The following TTF2 variants were observed in gnomAD, a reference collection of about 807,000 sequenced individuals.
TTF2 encodes the protein RNA polymerase II termination factor.
Under a neutral mutation model 142.4 loss-of-function variants are expected in TTF2, and 108 were observed. The ratio of observed to expected loss-of-function variants is 0.76; its 90% confidence interval spans 0.65 to 0.89. TTF2 has a LOEUF of 0.89. Ranked by LOEUF, TTF2 falls within the 40% of genes least tolerant of loss-of-function variation. TTF2 has a pLI of 0.00. For missense variants in TTF2, 1,327 were observed against 1,379.8 expected, an observed-to-expected ratio of 0.96 and a Z score of 0.61; for synonymous variants, 483 against 506.2, an observed-to-expected ratio of 0.95 and a Z score of 0.61.
chr1:117,092,610 CT>C lies in TTF2; in HGVS notation c.2806-120del. ...TTAATCAAGGTGTCTTGAGGAGTTA[CT>C]GATGACAAATTACAAGATATTTTGC... On this transcript the variant is annotated intron_variant, in intron 17 of 22. Coordinates refer to ENST00000369466, the MANE Select transcript of TTF2 (RefSeq NM_003594.4). The surrounding 1 kb of genome is among the most constrained non-coding windows in gnomAD (Gnocchi z 4.4). 1 of 1,119,546 alleles carries C rather than the reference CT, an allele frequency of 8.9e-7. No homozygotes were observed. Among genetic ancestry groups the C allele is most frequent in the Non-Finnish European group, 1.3e-6 (1 of 792,928 alleles). The allele number at this position is 1,119,546 out of a possible 1,614,324, so 69.4% of individuals were successfully genotyped here. A position where few individuals can be genotyped will look rare whatever the true frequency, so the allele number is the denominator to read the frequency against.
intron 3 of TTF2, among the ~76,000 whole-genome samples, chr1:117,072,190 G>C (rs1656631451): frequency 6.6e-6 from 1 of 152,038 alleles, no homozygotes; most frequent in Non-Finnish European, 1.5e-5. Flanking sequence ...TCTTGCACTG[G>C]GATGTTAAAT....
In TTF2 at chr1:117,090,055, G is replaced by A; in HGVS notation, c.2343G>A (p.Lys781=). The A allele has an allele frequency of 2.5e-6, 4 of 1,612,134 alleles. No individual in the cohort carries two copies. In the South Asian group the frequency reaches 3.3e-5, roughly 13 times the overall value. ...NNLLDMYSLL[K]FLRCSPFDEF... is the part of the protein sequence containing the mutation. ...GTGCCCTTCTTCCTCAACAAAAAAG[G>A]TTTCTCCGTTGCTCTCCATTTGATG... The change falls in exon 14 of 23, where the codon AAG becomes AAA. Residue 781 remains lysine, a splice_region_variant and synonymous_variant. Coordinates refer to ENST00000369466, the MANE Select transcript of TTF2 (RefSeq NM_003594.4). This position sits in a 1 kb window ranked among gnomAD's most constrained non-coding sequence, Gnocchi z 4.8.
chr1:117,107,378 T>A lies in TTF2; in HGVS notation c.*5854T>A, dbSNP rs1650023828. 6.6e-6 allele frequency: 1 copy of A among 152,236 alleles called. No individual in the cohort carries two copies. Among genetic ancestry groups the A allele is most frequent in the South Asian group, 2.1e-4 (1 of 4,832 alleles). The allele number at this position is 152,236 out of a possible 1,614,324, so 9.4% of individuals were successfully genotyped here. ...GTCTTCTGGAAATTTTTTATTGCAA[T>A]GTTACTTCATCTACATAAAGTTGTC... is the stretch of plus-strand genomic sequence containing the variant. On this transcript the variant is annotated 3_prime_UTR_variant, in exon 23 of 23. Coordinates refer to ENST00000369466, the MANE Select transcript of TTF2 (RefSeq NM_003594.4).
chr1:117,075,949 A>G lies in TTF2; in HGVS notation c.1275+90A>G, dbSNP rs1656974521. 3.3e-6 allele frequency: 5 copies of G among 1,494,934 alleles called. No homozygotes were observed. The Admixed American group carries it at 6.8e-5, about 20-fold the overall frequency. The allele number at this position is 1,494,934 out of a possible 1,614,324, so 92.6% of individuals were successfully genotyped here. Reference sequence around the variant, plus strand: ...TCTCATTGCTACAGAAGGGTTAAATATGTTCATGTGAAGGTTTTATAGGTG... The same window carrying G: ...TCTCATTGCTACAGAAGGGTTAAATGTGTTCATGTGAAGGTTTTATAGGTG... On this transcript the variant is annotated intron_variant, in intron 5 of 22. Coordinates refer to ENST00000369466, the MANE Select transcript of TTF2 (RefSeq NM_003594.4). The surrounding 1 kb of genome is among the most constrained non-coding windows in gnomAD (Gnocchi z 4.5).
Position 117,106,727 on chromosome 1 carries a change from T to C in TTF2, c.*5203T>C, listed in dbSNP as rs1649972266. ...GAAGTGATGAAAGAATGGAAATCAA[T>C]ATGTAAGAGCTCACAAGTCAGAGTG... On this transcript the variant is annotated 3_prime_UTR_variant, in exon 23 of 23. Coordinates refer to ENST00000369466, the MANE Select transcript of TTF2 (RefSeq NM_003594.4). The C allele has an allele frequency of 6.6e-6, 1 of 152,180 alleles. No homozygotes were observed. Among genetic ancestry groups the C allele is most frequent in the South Asian group, 2.1e-4 (1 of 4,822 alleles). The allele number at this position is 152,180 out of a possible 1,614,324, so 9.4% of individuals were successfully genotyped here. A position where few individuals can be genotyped will look rare whatever the true frequency, so the allele number is the denominator to read the frequency against.
Position 117,079,742 on chromosome 1 carries a change from C to CT in TTF2, c.1783+94dup. On this transcript the variant is annotated intron_variant, in intron 9 of 22. Coordinates refer to ENST00000369466, the MANE Select transcript of TTF2 (RefSeq NM_003594.4). The surrounding 1 kb of genome is among the most constrained non-coding windows in gnomAD (Gnocchi z 4.2). ...GTTTCATTTATTCCTCTCAAGAACTCTATGAGGCAGGTACTATTATTCCTC... is the reference window on the plus strand; with the variant it reads ...GTTTCATTTATTCCTCTCAAGAACTCTTATGAGGCAGGTACTATTATTCCTC... The CT allele has an allele frequency of 8.3e-7, 1 of 1,209,770 alleles. No individual in the cohort carries two copies. The highest frequency in any genetic ancestry group is 1.2e-6 in the Non-Finnish European group (1 of 821,098). 74.9% of individuals were successfully genotyped at this position (1,209,770 alleles called of 1,614,324 possible).
Position 117,097,699 on chromosome 1 carries a change from G to A in TTF2, c.3269+266G>A, listed in dbSNP as rs561833919. The stretch of plus-strand genomic sequence containing the variant: ...GTCTAACATCTGTTTCCATGGAAAC[G>A]GGGAGCATAGCTTTTCCTCATGGCT... On this transcript the variant is annotated intron_variant, in intron 21 of 22. Coordinates refer to ENST00000369466, the MANE Select transcript of TTF2 (RefSeq NM_003594.4). This position sits in a 1 kb window ranked among gnomAD's most constrained non-coding sequence, Gnocchi z 4.1. Among the ~76,000 whole-genome samples, 25 of 152,244 alleles carry A rather than the reference G, an allele frequency of 1.6e-4. No individual in the cohort carries two copies. Among genetic ancestry groups the A allele is most frequent in the Admixed American group, 3.3e-4 (5 of 15,296 alleles).
chr1:117,078,023 G>A lies in TTF2; in HGVS notation c.1681G>A (p.Glu561Lys). 6.2e-7 allele frequency: 1 copy of A among 1,614,106 alleles called. No homozygotes were observed. Among genetic ancestry groups the A allele is most frequent in the Non-Finnish European group, 8.5e-7 (1 of 1,180,008 alleles). Reference protein sequence around the residue: ...ESCPGETVVAEDPAGLKVPLL... With the variant: ...ESCPGETVVAKDPAGLKVPLL... ...ATGTCCTGGTGAGACGGTTGTGGCA[G>A]AAGATCCCGCCGGGCTGAAGGTGAG... is the stretch of plus-strand genomic sequence containing the variant. Residue 561 changes from glutamate (E) to lysine (K), a missense_variant, in exon 8 of 23, where the codon GAA becomes AAA. Coordinates refer to ENST00000369466, the MANE Select transcript of TTF2 (RefSeq NM_003594.4).
rs780155741 is a variant in TTF2 at position 117,106,798 on chromosome 1, A to G, written c.*5274A>G. 1.3e-5 allele frequency: 2 copies of G among 152,260 alleles called. No individual in the cohort carries two copies. Among genetic ancestry groups the G allele is most frequent in the African/African-American group, 2.4e-5 (1 of 41,472 alleles). The allele number at this position is 152,260 out of a possible 1,614,324, so 9.4% of individuals were successfully genotyped here. Reference sequence around the variant, plus strand: ...CCTGCTTCTAATGAGCATCCACTTCATTGAACCACCTCTTCATTGAGCCAA... The same window carrying G: ...CCTGCTTCTAATGAGCATCCACTTCGTTGAACCACCTCTTCATTGAGCCAA... On this transcript the variant is annotated 3_prime_UTR_variant, in exon 23 of 23. Coordinates refer to ENST00000369466, the MANE Select transcript of TTF2 (RefSeq NM_003594.4).
At chr1:117,081,676 T>G in intron 9 of TTF2, 152 bp from the exon 10 acceptor site, 1 of 883,742 alleles carries the variant, frequency 1.1e-6, no homozygotes, top group East Asian at 2.7e-5. Context: ...ATAAGGAAGA[T>G]AAAGGAGCCA....
Position 117,073,768 on chromosome 1 carries a change from A to T in TTF2, c.285+41A>T, listed in dbSNP as rs143381312. 6.5e-5 allele frequency: 102 copies of T among 1,577,708 alleles called. No individual in the cohort carries two copies. In the African/African-American group the frequency reaches 1.1e-3, roughly 16 times the overall value. ...CTGTTTTCAAACCTGCTGTGTTAAG[A>T]CTTTTAATATGCAGCATCACCTGAA... is the stretch of plus-strand genomic sequence containing the variant. On this transcript the variant is annotated intron_variant, in intron 4 of 22. Coordinates refer to ENST00000369466, the MANE Select transcript of TTF2 (RefSeq NM_003594.4). This position sits in a 1 kb window ranked among gnomAD's most constrained non-coding sequence, Gnocchi z 4.4.
At position 117,076,789 on chromosome 1, in the gene TTF2, G is replaced by C. The variant is rs750470394; in HGVS notation, c.1539G>C (p.Gln513His). Reference protein sequence around the residue: ...VGSLELKSACQVTAGGSSQCY... With the variant: ...VGSLELKSACHVTAGGSSQCY... ...CTCTAGAACTAAAGTCTGCCTGCCA[G>C]GTGACTGCTGGAGGATCCAGTCAGT... Residue 513 changes from glutamine (Q) to histidine (H), a missense_variant, in exon 7 of 23, where the codon CAG becomes CAC. By Grantham distance (24) the Gln-to-His change is conservative (BLOSUM62 0). Transcript: ENST00000369466. The surrounding 1 kb of genome is among the most constrained non-coding windows in gnomAD (Gnocchi z 4.6). The C allele has an allele frequency of 1.9e-6, 3 of 1,613,794 alleles. No homozygotes were observed. Among genetic ancestry groups the C allele is most frequent in the Non-Finnish European group, 2.5e-6 (3 of 1,179,926 alleles).
intron 4 of TTF2, among the ~76,000 whole-genome samples, chr1:117,074,327 G>A (rs917596774): frequency 6.6e-6 from 1 of 152,186 alleles, no homozygotes; most frequent in African/African-American, 2.4e-5. Flanking sequence ...TTCCTGAAAA[G>A]TATACACTGT....
At position 117,097,933 on chromosome 1, in the gene TTF2, A is replaced by C. The variant is rs1649300398; in HGVS notation, c.3269+500A>C. Reference sequence around the variant, plus strand: ...ATGTAGTGTTAATACCAGGAGTACAACCACATCTTTCGTGGCTACAGAATG... The same window carrying C: ...ATGTAGTGTTAATACCAGGAGTACACCCACATCTTTCGTGGCTACAGAATG... On this transcript the variant is annotated intron_variant, in intron 21 of 22. Coordinates refer to ENST00000369466, the MANE Select transcript of TTF2 (RefSeq NM_003594.4). The surrounding 1 kb of genome is among the most constrained non-coding windows in gnomAD (Gnocchi z 4.1). Among the ~76,000 whole-genome samples, 1 of 152,210 alleles carries C rather than the reference A, an allele frequency of 6.6e-6. No homozygotes were observed. The highest frequency in any genetic ancestry group is 2.4e-5 in the African/African-American group (1 of 41,442).
In TTF2 at chr1:117,065,988, CTTTTTTTTTTTTTT is replaced by C. The variant is rs544726052; in HGVS notation, c.218+3531_218+3544del. Among the ~76,000 whole-genome samples, 346 of 97,984 alleles carry C rather than the reference CTTTTTTTTTTTTTT, an allele frequency of 3.5e-3. 4 individuals are homozygous for C. Among genetic ancestry groups the C allele is most frequent in the African/African-American group, 0.016 (327 of 21,050 alleles). The allele number at this position is 97,984 out of a possible 152,430, so 64.3% of individuals were successfully genotyped here. On this transcript the variant is annotated intron_variant, in intron 3 of 22. Coordinates refer to ENST00000369466, the MANE Select transcript of TTF2 (RefSeq NM_003594.4). ...CTACCATTGAAAGCCCACTATATACCTTTTTTTTTTTTTTTTTTTTTTTTTTTTTGTAGAGACAC... is the reference window on the plus strand; with the variant it reads ...CTACCATTGAAAGCCCACTATATACCTTTTTTTTTTTTTTTGTAGAGACAC...
In TTF2 at chr1:117,081,814, C is replaced by A; in HGVS notation, c.1784-14C>A. 1 of 1,609,282 alleles carries A rather than the reference C, an allele frequency of 6.2e-7. No homozygotes were observed. The highest frequency in any genetic ancestry group is 8.5e-7 in the Non-Finnish European group (1 of 1,178,076). The stretch of plus-strand genomic sequence containing the variant: ...TAAGCAATTAACTCTCTTAATTTTG[C>A]TTTTATTTTCTAGCAGATGATATGG... On this transcript the variant is annotated splice_polypyrimidine_tract_variant and intron_variant, in intron 9 of 22. Coordinates refer to ENST00000369466, the MANE Select transcript of TTF2 (RefSeq NM_003594.4).
chr1:117,062,508 C>CA, intron 3 of TTF2, 35 bp downstream of exon 3: 1 of 1,290,496 alleles, frequency 7.7e-7, no homozygotes, highest in Middle Eastern at 2.2e-4. Context: ...AGTGTATTTG[C>CA]TTTTTTTTTT....
intron 10 of TTF2, 98 bp downstream of exon 10, chr1:117,082,045 T>G: frequency 6.4e-7 from 1 of 1,557,812 alleles, no homozygotes; most frequent in East Asian, 2.3e-5. Flanking sequence ...TTTGGTCATA[T>G]TTAATTACTC....
In TTF2 at chr1:117,076,259, A is replaced by G; in HGVS notation, c.1355A>G (p.Glu452Gly). The change falls in exon 6 of 23, where the codon GAA becomes GGA. Residue 452 changes from glutamate to glycine, a missense_variant. Transcript: ENST00000369466. This position sits in a 1 kb window ranked among gnomAD's most constrained non-coding sequence, Gnocchi z 4.6. The part of the protein sequence containing the change: ...KLIKQIQELE[E>G]VLSGLTLSPE... The stretch of plus-strand genomic sequence containing the variant: ...ATCAAACAAATCCAGGAGCTGGAGG[A>G]AGTACTCAGTGGTCTTACCCTTTCC... 1 of 1,613,944 alleles carries G rather than the reference A, an allele frequency of 6.2e-7. No individual in the cohort carries two copies. The highest frequency in any genetic ancestry group is 1.1e-5 in the South Asian group (1 of 91,068).
Sources: gnomAD v4.1 joint callset for allele counts (sites outside exome capture counted in the v4.1 genomes callset) on GRCh38, gnomAD v4.1.1 for gene constraint, Gnocchi (gnomAD v3.1) non-coding constraint, MANE v1.5 for transcripts, NCBI Gene and HGNC (gene_info 2026-07-23, HGNC 2026-07-21) for gene names.